ABLIM1: variants seen among roughly 807,000 people sequenced by gnomAD.
ABLIM1 encodes actin-binding LIM protein 1.
ABLIM1 carries 40 observed loss-of-function variants against 107.0 expected under a neutral mutation model. That is an observed-to-expected ratio of 0.37 (90% CI 0.29 to 0.49). ABLIM1 has a LOEUF of 0.49. Among genes scored for constraint, ABLIM1 ranks in the 20% least tolerant of loss-of-function variants. The pLI is 0.97. For missense variants in ABLIM1, 857 were observed against 1,008.5 expected, an observed-to-expected ratio of 0.85 and a Z score of 2.04; for synonymous variants, 357 against 357.3, an observed-to-expected ratio of 1.00 and a Z score of 0.01.
At chr10:114,470,864 T>C (rs569198045) in intron 10 of ABLIM1, among the ~76,000 whole-genome samples, 1 of 152,176 alleles carries the variant, frequency 6.6e-6, no homozygotes, top group East Asian at 1.9e-4. Flanking sequence ...TCTTTTTTTG[T>C]GGTGGTGGTT....
chr10:114,646,047 T>C (rs1480314004), intron 1 of ABLIM1, among the ~76,000 whole-genome samples: 1 of 152,048 alleles, frequency 6.6e-6, no homozygotes, highest in African/African-American at 2.4e-5. Flanking sequence ...ATACAGAAGG[T>C]AGGTCTCTTC....
chr10:114,591,243 T>C (rs1378461087), intron 2 of ABLIM1, among the ~76,000 whole-genome samples: 1 of 152,196 alleles, frequency 6.6e-6, no homozygotes, highest in East Asian at 1.9e-4. Context: ...GGATGGGTGT[T>C]TCTTGGAATT....
intron 1 of ABLIM1, among the ~76,000 whole-genome samples, chr10:114,700,293 C>T (rs1270997190): frequency 6.6e-6 from 1 of 151,950 alleles, no homozygotes; most frequent in Non-Finnish European, 1.5e-5. Context: ...TTAAAGAAAA[C>T]CTAAATTAGT....
At chr10:114,712,129 G>A (rs116118938) in intron 1 of ABLIM1, among the ~76,000 whole-genome samples, 2 of 152,010 alleles carry the variant, frequency 1.3e-5, no homozygotes, top group African/African-American at 2.4e-5. Context: ...AAGGTGGTTG[G>A]ATCATTTGAG....
chr10:114,791,761 A>G, the ABLIM1 span, among the ~76,000 whole-genome samples: 1 of 152,204 alleles, frequency 6.6e-6, no homozygotes, highest in Admixed American at 6.5e-5. Flanking sequence ...TGAAAAGAGA[A>G]ATACAGAATA....
At chr10:114,551,767 T>C (rs1456295186) in intron 4 of ABLIM1, among the ~76,000 whole-genome samples, 2 of 152,214 alleles carry the variant, frequency 1.3e-5, no homozygotes, top group Non-Finnish European at 2.9e-5. Flanking sequence ...TAGAATCAGG[T>C]ACCACGTGAG....
Position 114,431,327 on chromosome 10 carries a change from G to A in ABLIM1, c.*4933C>T, listed in dbSNP as rs1186868099. The A allele has an allele frequency of 2.0e-5, 3 of 152,178 alleles. No homozygotes were observed. The highest frequency in any genetic ancestry group is 7.2e-5 in the African/African-American group (3 of 41,428). 9.4% of individuals were successfully genotyped at this position (152,178 alleles called of 1,614,324 possible). A position where few individuals can be genotyped will look rare whatever the true frequency, so the allele number is the denominator to read the frequency against. ...AACACACACCTGCTCAGTTTCACAGGGAACACGACACAGCTTTTCAAAAGG... is the reference window on the plus strand; with the variant it reads ...AACACACACCTGCTCAGTTTCACAGAGAACACGACACAGCTTTTCAAAAGG... On this transcript the variant is annotated 3_prime_UTR_variant, in exon 23 of 23. Transcript: ENST00000533213.
chr10:114,781,058 A>G, the ABLIM1 span, among the ~76,000 whole-genome samples: 1 of 152,220 alleles, frequency 6.6e-6, no homozygotes, highest in Non-Finnish European at 1.5e-5. Context: ...ACTTCTCCTG[A>G]GAAACAACCA....
chr10:114,451,392 G>A (rs1028990205), intron 14 of ABLIM1, among the ~76,000 whole-genome samples: 1 of 152,192 alleles, frequency 6.6e-6, no homozygotes, highest in Non-Finnish European at 1.5e-5. Flanking sequence ...AATGATACAT[G>A]GTTTGATGGG....
chr10:114,575,572 C>G lies in ABLIM1; in HGVS notation c.407G>C (p.Gly136Ala), dbSNP rs1213766258. The G allele has an allele frequency of 1.2e-6, 2 of 1,613,792 alleles. No homozygotes were observed. Among genetic ancestry groups the G allele is most frequent in the Non-Finnish European group, 1.7e-6 (2 of 1,179,900 alleles). ...KVCGCDLAQG[G>A]FFIKNGEYLC... is the part of the protein sequence containing the mutation. ...ATACTCTCCGTTCTTTATGAAGAAG[C>G]CCCCTTGTGCCAGGTCACAGCCACA... The change falls in exon 3 of 23, where the codon GGC becomes GCC. Residue 136 changes from glycine (G) to alanine (A), a missense_variant. Gly to Ala is a moderately conservative substitution (Grantham distance 60). Coordinates refer to ENST00000533213, the MANE Select transcript of ABLIM1 (RefSeq NM_002313.7).
chr10:114,528,698 C>A (rs989916844), intron 6 of ABLIM1, among the ~76,000 whole-genome samples: 5 of 152,170 alleles, frequency 3.3e-5, no homozygotes, highest in African/African-American at 1.2e-4. Flanking sequence ...TGGGGTGAGG[C>A]CTGAGAATCC....
intron 12 of ABLIM1, among the ~76,000 whole-genome samples, chr10:114,464,546 G>A (rs1242110064): frequency 6.6e-6 from 1 of 151,902 alleles, no homozygotes; most frequent in Non-Finnish European, 1.5e-5. Context: ...CTCACGTCCT[G>A]GGCATGAATA....
chr10:114,562,563 G>A (rs1238707143), intron 4 of ABLIM1, among the ~76,000 whole-genome samples: 2 of 152,132 alleles, frequency 1.3e-5, no homozygotes. Flanking sequence ...AACATGTTTT[G>A]ATTCTGTTAT....
chr10:114,628,051 G>A lies in ABLIM1; in HGVS notation c.245-26090C>T, dbSNP rs565950708. 2.6e-5 allele frequency among the ~76,000 whole-genome samples: 4 copies of A among 152,292 alleles called. No individual in the cohort carries two copies. In the East Asian group the frequency reaches 7.7e-4, roughly 29 times the overall value. ...GCAGGAGAATCACTTGAACCTGGGA[G>A]GCAGAGGTTGCAGTGAGCTGAGACA... is the stretch of plus-strand genomic sequence containing the variant. On this transcript the variant is annotated intron_variant, in intron 1 of 22. Coordinates refer to ENST00000533213, the MANE Select transcript of ABLIM1 (RefSeq NM_002313.7).
chr10:114,586,646 G>T (rs1406325104), intron 2 of ABLIM1, among the ~76,000 whole-genome samples: 1 of 152,006 alleles, frequency 6.6e-6, no homozygotes, highest in East Asian at 1.9e-4. Context: ...AATTGCAAAT[G>T]AGAGCAGGCT....
At chr10:114,718,333 T>C (rs746183994) in intron 1 of ABLIM1, among the ~76,000 whole-genome samples, 5 of 152,060 alleles carry the variant, frequency 3.3e-5, no homozygotes, top group Non-Finnish European at 4.4e-5. Context: ...GCTCTCTCCA[T>C]AGCCCACCCA....
chr10:114,738,640 T>A (rs1426376280), intron 1 of ABLIM1, among the ~76,000 whole-genome samples: 1 of 152,194 alleles, frequency 6.6e-6, no homozygotes, highest in Non-Finnish European at 1.5e-5. Flanking sequence ...GGTGATTTAG[T>A]TCAAGTAGAA....
At chr10:114,670,995 T>C (rs963952257) in intron 1 of ABLIM1, among the ~76,000 whole-genome samples, 1 of 152,254 alleles carries the variant, frequency 6.6e-6, no homozygotes, top group Non-Finnish European at 1.5e-5. Context: ...AATTTTTACA[T>C]GTGTGTACAA....
chr10:114,530,615 C>A (rs1423123261), intron 6 of ABLIM1, among the ~76,000 whole-genome samples: 1 of 152,128 alleles, frequency 6.6e-6, no homozygotes, highest in Non-Finnish European at 1.5e-5. Flanking sequence ...CTTACTGCAA[C>A]CTTCACCTCC....
Sources: allele counts gnomAD v4.1 joint callset (sites outside exome capture counted in the v4.1 genomes callset), GRCh38; gene constraint gnomAD v4.1.1; transcripts MANE v1.5; gene names NCBI Gene and HGNC (gene_info 2026-07-23, HGNC 2026-07-21).